Variants in BABAM2 observed in about 807,000 individuals in gnomAD.
BABAM2 encodes the protein BRISC and BRCA1 A complex member 2.
BABAM2 carries 31 observed loss-of-function variants against 54.7 expected under a neutral mutation model. The ratio of observed to expected loss-of-function variants is 0.57; its 90% CI spans 0.43 to 0.77. The LOEUF (loss-of-function observed/expected upper bound fraction) is 0.77, where lower values mean the gene tolerates loss of function less well. BABAM2 is among the 30% of genes least tolerant of loss of function. The probability of loss-of-function intolerance (pLI) is 0.00; values close to 1 mark genes in which losing one functional copy is unlikely to be tolerated. For missense variants in BABAM2, 364 were observed against 455.8 expected, an observed-to-expected ratio of 0.80 and a Z score of 1.83; for synonymous variants, 167 against 162.9, an observed-to-expected ratio of 1.03 and a Z score of -0.19.
rs538966822 is a variant in BABAM2 at position 27,954,132 on chromosome 2, A to G, written c.205+24224A>G. Among the ~76,000 whole-genome samples the G allele has an allele frequency of 1.7e-3, 262 of 152,348 alleles. 1 individual carries two copies. Among genetic ancestry groups the G allele is most frequent in the African/African-American group, 6.0e-3 (250 of 41,578 alleles). On this transcript the variant is annotated intron_variant, in intron 3 of 11. Transcript: ENST00000379624. ...GTTGCATTCAGTGTATAGAAAAGTT[A>G]CAACTCATTTCTAGTTAGTTCTTCC... is the stretch of plus-strand genomic sequence containing the variant.
In BABAM2 at chr2:28,142,315, A is replaced by G. The variant is rs147490593; in HGVS notation, c.680+12935A>G. On this transcript the variant is annotated intron_variant, in intron 7 of 11. Coordinates refer to ENST00000379624, the MANE Select transcript of BABAM2 (RefSeq NM_199191.3). ...ATGATGGGTTAACATAATATTGCAA[A>G]TAGGACCATAACAGGGAATGAACCT... Among the ~76,000 whole-genome samples the G allele has an allele frequency of 5.0e-3, 761 of 152,286 alleles. 4 individuals are homozygous for G. Among genetic ancestry groups the G allele is most frequent in the African/African-American group, 0.018 (732 of 41,558 alleles).
intron 11 of BABAM2, among the ~76,000 whole-genome samples, chr2:28,303,149 A>G (rs1688241858): frequency 6.6e-6 from 1 of 152,168 alleles, no homozygotes; most frequent in South Asian, 2.1e-4. Flanking sequence ...GGTGTGAGCC[A>G]CTATTCCTGC....
intron 7 of BABAM2, among the ~76,000 whole-genome samples, chr2:28,142,308 A>T (rs1268422318): frequency 6.6e-6 from 1 of 152,162 alleles, no homozygotes; most frequent in Non-Finnish European, 1.5e-5. Context: ...TTAACATAAT[A>T]TTGCAAATAG....
At chr2:28,192,763 C>T (rs1677077441) in intron 7 of BABAM2, among the ~76,000 whole-genome samples, 1 of 151,862 alleles carries the variant, frequency 6.6e-6, no homozygotes, top group South Asian at 2.1e-4. Flanking sequence ...ACCTCGTGAT[C>T]CGCCCACCTG....
At chr2:27,897,562 T>G (rs1665434877) in intron 2 of BABAM2, among the ~76,000 whole-genome samples, 1 of 152,078 alleles carries the variant, frequency 6.6e-6, no homozygotes, top group Non-Finnish European at 1.5e-5. Flanking sequence ...TTCTAAAAGT[T>G]AACTATACAC....
At chr2:28,198,246 C>T (rs1677837283) in intron 7 of BABAM2, among the ~76,000 whole-genome samples, 1 of 151,894 alleles carries the variant, frequency 6.6e-6, no homozygotes, top group South Asian at 2.1e-4. Flanking sequence ...TCACTGCAAG[C>T]TCCGCCTCCC....
At chr2:28,315,818 C>T (rs1350648709) in intron 11 of BABAM2, among the ~76,000 whole-genome samples, 1 of 151,974 alleles carries the variant, frequency 6.6e-6, no homozygotes, top group African/African-American at 2.4e-5. Context: ...TTACAAATTA[C>T]ATATTGGTAT....
At chr2:28,160,314 G>T (rs575828771) in intron 7 of BABAM2, among the ~76,000 whole-genome samples, 1 of 152,136 alleles carries the variant, frequency 6.6e-6, no homozygotes, top group Non-Finnish European at 1.5e-5. Context: ...TTTTAGCTGG[G>T]CCCGTGCATG....
chr2:28,010,398 A>G (rs1440154323), intron 4 of BABAM2, among the ~76,000 whole-genome samples: 1 of 152,106 alleles, frequency 6.6e-6, no homozygotes, highest in Non-Finnish European at 1.5e-5. Context: ...TTAATCCTCT[A>G]TGTAGATTTT....
intron 7 of BABAM2, among the ~76,000 whole-genome samples, chr2:28,145,429 A>G (rs1252074733): frequency 1.3e-5 from 2 of 152,096 alleles, no homozygotes; most frequent in Admixed American, 1.3e-4. Flanking sequence ...ATTTTTAGAG[A>G]TACCTACTAA....
intron 7 of BABAM2, among the ~76,000 whole-genome samples, chr2:28,165,468 G>T (rs963068804): frequency 2.0e-5 from 3 of 149,406 alleles, no homozygotes; most frequent in Admixed American, 2.0e-4. Context: ...TAAAAATCTG[G>T]AGTATGTCTT....
intron 3 of BABAM2, among the ~76,000 whole-genome samples, chr2:27,933,757 C>T (rs1394841480): frequency 6.7e-6 from 1 of 148,590 alleles, no homozygotes; most frequent in Non-Finnish European, 1.5e-5. Context: ...GCCACTATGC[C>T]TGGCTTGTTT....
chr2:28,127,173 GT>G (rs1316260800), intron 6 of BABAM2, among the ~76,000 whole-genome samples: 1 of 152,024 alleles, frequency 6.6e-6, no homozygotes, highest in Non-Finnish European at 1.5e-5. Flanking sequence ...TTTGGCTTTT[GT>G]TGCCATTGCT....
chr2:27,917,779 A>T (rs1259493920), intron 2 of BABAM2, among the ~76,000 whole-genome samples: 1 of 152,136 alleles, frequency 6.6e-6, no homozygotes, highest in Non-Finnish European at 1.5e-5. Context: ...ATTATAAAAC[A>T]TACATAAAAT....
intron 2 of BABAM2, among the ~76,000 whole-genome samples, chr2:27,920,611 C>T (rs1222056252): frequency 1.3e-5 from 2 of 151,964 alleles, no homozygotes; most frequent in African/African-American, 4.8e-5. Flanking sequence ...TTTAGGTTGC[C>T]AAAGTTGAAG....
chr2:28,237,144 C>A, intron 7 of BABAM2, 58 bp from the exon 8 acceptor site: 1 of 1,468,168 alleles, frequency 6.8e-7, no homozygotes, highest in South Asian at 1.2e-5. Flanking sequence ...TTGGGGGTGT[C>A]ACTTCTTAAG....
chr2:28,217,900 A>G (rs1438041411), intron 7 of BABAM2, among the ~76,000 whole-genome samples: 1 of 152,202 alleles, frequency 6.6e-6, no homozygotes, highest in African/African-American at 2.4e-5. Context: ...TTCTTTCTTA[A>G]AATTCTCTGT....
chr2:27,974,925 A>G (rs993831053), intron 3 of BABAM2, among the ~76,000 whole-genome samples: 2 of 152,094 alleles, frequency 1.3e-5, no homozygotes, highest in African/African-American at 4.8e-5. Flanking sequence ...AATCAATCCT[A>G]TTTCTTTATA....
rs528277223 is a variant in BABAM2 at position 28,197,134 on chromosome 2, C to G, written c.681-40068C>G. ...TCCTGAAGTGCTGGGATTGCAGGCA[C>G]GAGCCACCACACCTGGCCAAGACCC... On this transcript the variant is annotated intron_variant, in intron 7 of 11. Transcript: ENST00000379624. Among the ~76,000 whole-genome samples the G allele has an allele frequency of 2.5e-4, 38 of 152,034 alleles. No individual in the cohort carries two copies. In the South Asian group the frequency reaches 7.3e-3, roughly 29 times the overall value.
Sources: allele counts gnomAD v4.1 joint callset (sites outside exome capture counted in the v4.1 genomes callset), GRCh38; gene constraint gnomAD v4.1.1; transcripts MANE v1.5; gene names NCBI Gene and HGNC (gene_info 2026-07-23, HGNC 2026-07-21).